Variants in SALL2 observed in about 807,000 individuals in gnomAD.
SALL2 encodes the protein sal-like protein 2.
Under a neutral mutation model 58.5 loss-of-function variants are expected in SALL2, and 32 were observed. The ratio of observed to expected loss-of-function variants is 0.55; its 90% CI spans 0.41 to 0.74. SALL2 has a LOEUF of 0.74. SALL2 is among the 30% of genes least tolerant of loss of function. SALL2 has a pLI of 0.00. For synonymous variants in SALL2, 516 were observed against 513.6 expected (o/e 1.00, Z -0.06); for missense variants, 1,201 against 1,268.9 (o/e 0.95, Z 0.81).
Position 21,522,750 on chromosome 14 carries a change from GTGGAGGTGA to G in SALL2, c.2963_2971del (p.Ile988_Ser990del). 1.3e-6 allele frequency: 2 copies of G among 1,557,382 alleles called. No individual in the cohort carries two copies. The highest frequency in any genetic ancestry group is 2.5e-5 in the South Asian group (2 of 79,944). On this transcript the variant is annotated inframe_deletion, in exon 2 of 2. Coordinates refer to ENST00000537235, the MANE Select transcript of SALL2 (RefSeq NM_001364564.1). ...TTTTCGGGGAAAGGGGGAGAGCCCT[GTGGAGGTGA>G]TGGAAGGCGAACAGCCAGGGACTAG... is the stretch of plus-strand genomic sequence containing the variant.
Position 21,526,060 on chromosome 14 carries a change from C to G in SALL2, c.67+1G>C. 1 of 1,535,338 alleles carries G rather than the reference C, an allele frequency of 6.5e-7. No individual in the cohort carries two copies. Among genetic ancestry groups the G allele is most frequent in the Non-Finnish European group, 8.7e-7 (1 of 1,146,352 alleles). On this transcript the variant is annotated splice_donor_variant, in intron 1 of 1. Coordinates refer to ENST00000537235, the MANE Select transcript of SALL2 (RefSeq NM_001364564.1). LOFTEE classifies it high-confidence loss of function. ...GCCCAGCCCGACCGACCCTACCGCACCTCCGAGCTCTGCCGGCTCCCCGCA... is the reference window on the plus strand; with the variant it reads ...GCCCAGCCCGACCGACCCTACCGCAGCTCCGAGCTCTGCCGGCTCCCCGCA...
chr14:21,536,005 T>C (rs560742998), intron 1 of SALL2, among the ~76,000 whole-genome samples: 1 of 152,316 alleles, frequency 6.6e-6, no homozygotes, highest in East Asian at 1.9e-4. Flanking sequence ...GAAGTTTTTG[T>C]CCTGATTTTG....
intron 1 of SALL2, among the ~76,000 whole-genome samples, chr14:21,531,629 A>G (rs532625838): frequency 1.2e-3 from 185 of 151,660 alleles, no homozygotes; most frequent in African/African-American, 4.3e-3. Flanking sequence ...GCTGGTCTCA[A>G]ACTCCCAGCC....
At chr14:21,526,543 C>G, upstream of SALL2, 1 of 1,113,922 alleles carries the variant, frequency 9.0e-7, no homozygotes, top group Non-Finnish European at 1.1e-6. Context: ...CTGGCCAGCT[C>G]CCCCCATCTG....
At position 21,523,122 on chromosome 14, in the gene SALL2, G is replaced by A. The variant is rs375899234; in HGVS notation, c.2600C>T (p.Pro867Leu). 37 of 1,614,002 alleles carry A rather than the reference G, an allele frequency of 2.3e-5. No homozygotes were observed. Among genetic ancestry groups the A allele is most frequent in the Middle Eastern group, 3.3e-4 (2 of 6,076 alleles). Reference sequence around the variant, plus strand: ...TGATGCCGGACTTGAGCTTCTCTCCGGTTTGCCCCCCTCTTCCTTGCCTCC... The same window carrying A: ...TGATGCCGGACTTGAGCTTCTCTCCAGTTTGCCCCCCTCTTCCTTGCCTCC... ...VLGGKEEGGK[P>L]ERSSSPASAL... The change falls in exon 2 of 2, where the codon CCG becomes CTG. Residue 867 changes from proline (P) to leucine (L), a missense_variant. By Grantham distance (98) the Pro-to-Leu change is moderately conservative. This residue lies in a region of SALL2 where 675 missense variants were observed against 683.8 expected (regional missense o/e 0.99). Coordinates refer to ENST00000537235, the MANE Select transcript of SALL2 (RefSeq NM_001364564.1). This position sits in a 1 kb window ranked among gnomAD's most constrained non-coding sequence, Gnocchi z 4.4.
At position 21,524,937 on chromosome 14, in the gene SALL2, G is replaced by T. The variant is rs77597189; in HGVS notation, c.785C>A (p.Ser262Tyr). 6.2e-7 allele frequency: 1 copy of T among 1,614,154 alleles called. No homozygotes were observed. The highest frequency in any genetic ancestry group is 8.5e-7 in the Non-Finnish European group (1 of 1,180,010). ...LASSSSSSSS[S>Y]SGAETPKQAF... ...CTGCTTGGGCGTTTCTGCCCCTGAAGAGGAAGAGGAGGAGGAGGAGGAAGA... is the reference window on the plus strand; with the variant it reads ...CTGCTTGGGCGTTTCTGCCCCTGAATAGGAAGAGGAGGAGGAGGAGGAAGA... Residue 262 changes from serine to tyrosine, a missense_variant, in exon 2 of 2, where the codon TCT becomes TAT. Ser to Tyr is a moderately radical substitution (Grantham distance 144). Coordinates refer to ENST00000537235, the MANE Select transcript of SALL2 (RefSeq NM_001364564.1).
Position 21,525,506 on chromosome 14 carries a change from G to T in SALL2, c.216C>A (p.Asn72Lys), listed in dbSNP as rs780085739. ...GCCGGGGTTCAGAGGAGGCCGAAGA[G>T]TTGTTGGGGTTCTCCTGGCCCCCAA... ...VIIGGQENPN[N>K]SSASSEPRPE... The change falls in exon 2 of 2, where the codon AAC (asparagine) becomes AAA (lysine). Residue 72 changes from asparagine (N) to lysine (K), a missense_variant. Asn to Lys is a moderately conservative substitution (Grantham distance 94, BLOSUM62 0). Around this residue, in one of 3 missense-constraint regions of SALL2, gnomAD observed 467 missense variants for 468.9 expected, o/e 1.00. Transcript: ENST00000537235. The surrounding 1 kb of genome is among the most constrained non-coding windows in gnomAD (Gnocchi z 4.4). The T allele has an allele frequency of 5.0e-5, 80 of 1,613,906 alleles. 1 individual carries two copies. In the East Asian group the frequency reaches 1.7e-3, roughly 35 times the overall value.
At chr14:21,526,437 G>A, upstream of SALL2, 2 of 1,340,050 alleles carry the variant, frequency 1.5e-6, no homozygotes, top group South Asian at 3.3e-5. Context: ...GAGCGCTAGC[G>A]GGGGCGTGGG....
At chr14:21,527,800 C>G (rs1001015550), upstream of SALL2, among the ~76,000 whole-genome samples, 2 of 151,674 alleles carry the variant, frequency 1.3e-5, no homozygotes, top group African/African-American at 4.8e-5. Flanking sequence ...TGTGATCACA[C>G]CTGTGAATAA....
chr14:21,525,790 C>G lies in SALL2; in HGVS notation c.68-136G>C. ...CTCACCATCAGGGCCATGCAGAAGTCTAGAGCTCAGGCCTGATCCGTGTGG... is the reference window on the plus strand; with the variant it reads ...CTCACCATCAGGGCCATGCAGAAGTGTAGAGCTCAGGCCTGATCCGTGTGG... On this transcript the variant is annotated intron_variant, in intron 1 of 1. Coordinates refer to ENST00000537235, the MANE Select transcript of SALL2 (RefSeq NM_001364564.1). This position sits in a 1 kb window ranked among gnomAD's most constrained non-coding sequence, Gnocchi z 4.4. 2 of 1,003,534 alleles carry G rather than the reference C, an allele frequency of 2.0e-6. No individual in the cohort carries two copies. The highest frequency in any genetic ancestry group is 5.4e-5 in the East Asian group (2 of 37,060). The allele number at this position is 1,003,534 out of a possible 1,614,324, so 62.2% of individuals were successfully genotyped here.
chr14:21,521,796 G>A lies in SALL2; in HGVS notation c.*908C>T, dbSNP rs183330297. ...ATCAGCTTGTTTCCCAACTTTGAGA[G>A]GTCATCATGAATGAGAAGCTGGAGA... is the stretch of plus-strand genomic sequence containing the variant. On this transcript the variant is annotated 3_prime_UTR_variant, in exon 2 of 2. Coordinates refer to ENST00000537235, the MANE Select transcript of SALL2 (RefSeq NM_001364564.1). 3.9e-4 allele frequency: 206 copies of A among 522,900 alleles called. 2 individuals are homozygous for A. The highest frequency in any genetic ancestry group is 2.8e-3 in the African/African-American group (147 of 52,966). The allele number at this position is 522,900 out of a possible 1,614,324, so 32.4% of individuals were successfully genotyped here. A position where few individuals can be genotyped will look rare whatever the true frequency, so the allele number is the denominator to read the frequency against.
chr14:21,524,423 G>C lies in SALL2; in HGVS notation c.1299C>G (p.His433Gln). Residue 433 changes from histidine to glutamine, a missense_variant, in exon 2 of 2, where the codon CAC becomes CAG. Around this residue, in one of 3 missense-constraint regions of SALL2, gnomAD observed 59 missense variants for 116.2 expected, o/e 0.51. Coordinates refer to ENST00000537235, the MANE Select transcript of SALL2 (RefSeq NM_001364564.1). ...EKYPHVQMNPHPVPEHLDYVI... is the reference protein window; with the variant it reads ...EKYPHVQMNPQPVPEHLDYVI... ...CATAGTCTAGGTGCTCTGGTACTGGGTGTGGGTTCATCTGCACATGTGGGT... is the reference window on the plus strand; with the variant it reads ...CATAGTCTAGGTGCTCTGGTACTGGCTGTGGGTTCATCTGCACATGTGGGT... 1 of 1,614,242 alleles carries C rather than the reference G, an allele frequency of 6.2e-7. No homozygotes were observed. The highest frequency in any genetic ancestry group is 8.5e-7 in the Non-Finnish European group (1 of 1,180,056).
Position 21,523,661 on chromosome 14 carries a change from T to C in SALL2, c.2061A>G (p.Ala687=), listed in dbSNP as rs145035991. The C allele has an allele frequency of 6.8e-6, 11 of 1,614,104 alleles. No individual in the cohort carries two copies. In the African/African-American group the frequency reaches 1.5e-4, roughly 22 times the overall value. ...TCTGGCAGATGGGGCAGGAATTCTGTGCCCGGGCAGCTGGACTGGCCTTGT... is the reference window on the plus strand; with the variant it reads ...TCTGGCAGATGGGGCAGGAATTCTGCGCCCGGGCAGCTGGACTGGCCTTGT... ...VGHKASPAAR[A]QNSCPICQKK... is the part of the protein sequence containing the mutation. Residue 687 remains alanine, a synonymous_variant, in exon 2 of 2, where the codon GCA becomes GCG. Transcript: ENST00000537235. This position sits in a 1 kb window ranked among gnomAD's most constrained non-coding sequence, Gnocchi z 4.4.
intron 1 of SALL2, 47 bp downstream of exon 1, chr14:21,526,014 T>TCCCCCACCCCCC: frequency 4.8e-6 from 5 of 1,041,064 alleles, no homozygotes; most frequent in Non-Finnish European, 7.2e-6. Flanking sequence ...CCCCTGCGCA[T>TCCCCCACCCCCC]CCCCCTCCGC....
In SALL2 at chr14:21,525,538, C is replaced by G. The variant is rs1385234030; in HGVS notation, c.184G>C (p.Val62Leu). ...GGGTTCTCCTGGCCCCCAATTATCACCATTACAGGAGGGTCAGTAGAACAT... is the reference window on the plus strand; with the variant it reads ...GGGTTCTCCTGGCCCCCAATTATCAGCATTACAGGAGGGTCAGTAGAACAT... The part of the protein sequence containing the change: ...NACSTDPPVM[V>L]IIGGQENPNN... The change falls in exon 2 of 2, where the codon GTG becomes CTG. Residue 62 changes from valine (V) to leucine (L), a missense_variant. Physicochemically the swap from Val to Leu is conservative, Grantham distance 32. This residue lies in a region of SALL2 where 467 missense variants were observed against 468.9 expected (regional missense o/e 1.00). Transcript: ENST00000537235. The surrounding 1 kb of genome is among the most constrained non-coding windows in gnomAD (Gnocchi z 4.4). The G allele has an allele frequency of 6.2e-7, 1 of 1,613,918 alleles. No individual in the cohort carries two copies.
At chr14:21,535,581 G>A (rs190851036) in intron 1 of SALL2, among the ~76,000 whole-genome samples, 198 of 152,234 alleles carry the variant, frequency 1.3e-3, no homozygotes, top group Non-Finnish European at 2.4e-3. Context: ...ACCTAATGAG[G>A]TAGCTAGTAT....
Position 21,523,369 on chromosome 14 carries a change from C to T in SALL2, c.2353G>A (p.Gly785Ser). The T allele has an allele frequency of 6.2e-7, 1 of 1,613,680 alleles. No individual in the cohort carries two copies. Residue 785 changes from glycine to serine, a missense_variant, in exon 2 of 2, where the codon GGC becomes AGC. Coordinates refer to ENST00000537235, the MANE Select transcript of SALL2 (RefSeq NM_001364564.1). The surrounding 1 kb of genome is among the most constrained non-coding windows in gnomAD (Gnocchi z 4.4). ...GCCTTCTCACCTCCACTCTCTGAGC[C>T]TCTCCCTGCCAGGGAATCTTCATCA... ...VTDEDSLAGR[G>S]SESGGEKAIS...
Position 21,524,303 on chromosome 14 carries a change from C to T in SALL2, c.1419G>A (p.Lys473=), listed in dbSNP as rs145646223. The stretch of plus-strand genomic sequence containing the variant: ...GTGCTGTTGTGGAGGCCACCAGAGG[C>T]TTGCGCTCAACCCCTCCACCTGGAG... The part of the protein sequence containing the change: ...AATPGGGVER[K]PLVASTTALS... The change falls in exon 2 of 2, where the codon AAG becomes AAA. Residue 473 remains lysine (K), a synonymous_variant. Coordinates refer to ENST00000537235, the MANE Select transcript of SALL2 (RefSeq NM_001364564.1). 10 of 1,613,958 alleles carry T rather than the reference C, an allele frequency of 6.2e-6. No homozygotes were observed. In the African/African-American group the frequency reaches 1.3e-4, roughly 22 times the overall value.
At chr14:21,534,685 C>T (rs1206415616) in intron 1 of SALL2, among the ~76,000 whole-genome samples, 1 of 151,958 alleles carries the variant, frequency 6.6e-6, no homozygotes, top group African/African-American at 2.4e-5. Flanking sequence ...ACAATCAAAC[C>T]AGCAGGAGAG....
Sources: gnomAD v4.1 joint callset for allele counts (sites outside exome capture counted in the v4.1 genomes callset) on GRCh38, gnomAD v4.1.1 for gene constraint, gnomAD v4.1.1 regional missense constraint, Gnocchi (gnomAD v3.1) non-coding constraint, MANE v1.5 for transcripts, NCBI Gene and HGNC (gene_info 2026-07-23, HGNC 2026-07-21) for gene names.